The following GADL1 variants were observed in gnomAD, a reference collection of about 807,000 sequenced individuals.
GADL1 encodes the protein acidic amino acid decarboxylase GADL1.
Under a neutral mutation model 69.5 loss-of-function variants are expected in GADL1, and 71 were observed. That is an observed-to-expected ratio of 1.02 (90% CI 0.84 to 1.25). The LOEUF (loss-of-function observed/expected upper bound fraction) is 1.25, where lower values mean the gene tolerates loss of function less well. GADL1 is among the 50% of genes most tolerant of loss of function. The probability of loss-of-function intolerance (pLI) is 0.00; values close to 1 mark genes in which losing one functional copy is unlikely to be tolerated. For synonymous variants in GADL1, 254 were observed against 214.4 expected, an observed-to-expected ratio of 1.18 and a Z score of -1.62; for missense variants, 737 against 631.8, an observed-to-expected ratio of 1.17 and a Z score of -1.79.
intron 9 of GADL1, among the ~76,000 whole-genome samples, chr3:30,837,821 T>A (rs1380196925): frequency 6.6e-6 from 1 of 152,140 alleles, no homozygotes; most frequent in African/African-American, 2.4e-5. Flanking sequence ...ATCAATAAGA[T>A]ATAAGTTGAA....
At chr3:30,770,813 CAA>C (rs1696400840) in intron 14 of GADL1, among the ~76,000 whole-genome samples, 1 of 151,604 alleles carries the variant, frequency 6.6e-6, no homozygotes, top group Non-Finnish European at 1.5e-5. Flanking sequence ...CCAACAGAAA[CAA>C]GAGAAGAGAG....
rs1262503358 is a variant in GADL1 at position 30,728,435 on chromosome 3, G to A, written c.1393-20C>T. ...GGCCACCTGTGTGGGGAGAAAAGGG[G>A]AGAGGGGTGAAAGACCAGAACATCA... On this transcript the variant is annotated intron_variant, in intron 14 of 14. Coordinates refer to ENST00000282538, the MANE Select transcript of GADL1 (RefSeq NM_207359.3). The A allele has an allele frequency of 1.2e-6, 2 of 1,607,850 alleles. No homozygotes were observed. Among genetic ancestry groups the A allele is most frequent in the Non-Finnish European group, 1.7e-6 (2 of 1,175,232 alleles).
At chr3:30,764,163 T>C (rs1382997381) in intron 14 of GADL1, among the ~76,000 whole-genome samples, 2 of 116,962 alleles carry the variant, frequency 1.7e-5, no homozygotes, top group Admixed American at 8.5e-5. Context: ...AGTGATTTTA[T>C]ACTTAAAGTT....
intron 12 of GADL1, among the ~76,000 whole-genome samples, chr3:30,787,171 T>TG (rs1264994698): frequency 6.6e-6 from 1 of 151,914 alleles, no homozygotes; most frequent in Non-Finnish European, 1.5e-5. Flanking sequence ...ATCCTGCGCA[T>TG]GTACCCCAAA....
At chr3:30,886,839 C>G (rs1285715857) in intron 1 of GADL1, among the ~76,000 whole-genome samples, 3 of 152,198 alleles carry the variant, frequency 2.0e-5, no homozygotes, top group African/African-American at 7.2e-5. Context: ...AAACCACAGA[C>G]AATGGAGTTG....
At chr3:30,830,249 A>G (rs1697765302) in intron 11 of GADL1, among the ~76,000 whole-genome samples, 1 of 151,882 alleles carries the variant, frequency 6.6e-6, no homozygotes, top group Non-Finnish European at 1.5e-5. Context: ...CAGGCCCTGC[A>G]AAGTCCCCCC....
chr3:30,839,739 G>A (rs1697936494), intron 8 of GADL1, among the ~76,000 whole-genome samples: 1 of 152,092 alleles, frequency 6.6e-6, no homozygotes, highest in South Asian at 2.1e-4. Context: ...GAAAATCTGT[G>A]TCACTTCTAT....
chr3:30,827,344 C>CT (rs1697697944), intron 11 of GADL1, among the ~76,000 whole-genome samples: 1 of 151,120 alleles, frequency 6.6e-6, no homozygotes, highest in Non-Finnish European at 1.5e-5. Context: ...ACATTTATGA[C>CT]TAGGTGGTAA....
At chr3:30,836,639 G>C (rs1226371888) in intron 9 of GADL1, among the ~76,000 whole-genome samples, 1 of 152,042 alleles carries the variant, frequency 6.6e-6, no homozygotes, top group Non-Finnish European at 1.5e-5. Flanking sequence ...TCTTGAAAGG[G>C]AAGTGAAGGT....
At chr3:30,797,441 GGAC>G (rs1697060116) in intron 12 of GADL1, among the ~76,000 whole-genome samples, 1 of 152,146 alleles carries the variant, frequency 6.6e-6, no homozygotes, top group African/African-American at 2.4e-5. Flanking sequence ...ATAGCATGTA[GGAC>G]ATCCCAGGCA....
intron 14 of GADL1, among the ~76,000 whole-genome samples, chr3:30,733,753 A>T (rs537327392): frequency 5.0e-4 from 76 of 152,060 alleles, no homozygotes; most frequent in African/African-American, 1.8e-3. Context: ...AGCCAGGTGG[A>T]GATACACCAC....
At chr3:30,827,151 TAC>T (rs1326661087) in intron 11 of GADL1, among the ~76,000 whole-genome samples, 2 of 151,840 alleles carry the variant, frequency 1.3e-5, no homozygotes, top group Non-Finnish European at 2.9e-5. Flanking sequence ...TGGAAATAGA[TAC>T]AGATTTAGTC....
At position 30,801,103 on chromosome 3, in the gene GADL1, A is replaced by AG; in HGVS notation, c.1051-16dup. 1.3e-6 allele frequency: 2 copies of AG among 1,559,322 alleles called. No homozygotes were observed. The highest frequency in any genetic ancestry group is 1.8e-5 in the Admixed American group (1 of 56,398). On this transcript the variant is annotated splice_polypyrimidine_tract_variant and intron_variant, in intron 11 of 14. Coordinates refer to ENST00000282538, the MANE Select transcript of GADL1 (RefSeq NM_207359.3). ...TTAAGAAGATCCTTCGAAAAAGAAA[A>AG]GATTACAAGACTGTTAAACTTTAGA... is the stretch of plus-strand genomic sequence containing the variant.
At chr3:30,792,497 A>AG (rs1414917623) in intron 12 of GADL1, among the ~76,000 whole-genome samples, 2 of 152,118 alleles carry the variant, frequency 1.3e-5, no homozygotes, top group Admixed American at 1.3e-4. Flanking sequence ...GGATCACTTG[A>AG]GCCTGGGAGG....
chr3:30,860,446 CA>C (rs1272454122), intron 2 of GADL1, among the ~76,000 whole-genome samples: 1 of 151,830 alleles, frequency 6.6e-6, no homozygotes, highest in African/African-American at 2.4e-5. Context: ...CAATGTAAAG[CA>C]GATCCAAAGT....
intron 1 of GADL1, among the ~76,000 whole-genome samples, chr3:30,891,243 CT>C (rs1698782035): frequency 6.6e-6 from 1 of 152,116 alleles, no homozygotes; most frequent in Non-Finnish European, 1.5e-5. Flanking sequence ...AGCCAAGCTG[CT>C]TTGATCCTTA....
At chr3:30,776,330 G>T (rs542771294) in intron 14 of GADL1, among the ~76,000 whole-genome samples, 2 of 152,152 alleles carry the variant, frequency 1.3e-5, no homozygotes, top group Non-Finnish European at 2.9e-5. Context: ...ACTAAAAAAT[G>T]TCAGCCACAT....
rs150890734 is a variant in GADL1, at chr3:30,749,429, A to G, written c.1393-21014T>C. On this transcript the variant is annotated intron_variant, in intron 14 of 14. Transcript: ENST00000282538. ...CTCACTTTCTCTTTTCAACTCTTCT[A>G]TTGTTTGAACAATGACTAATTAGCT... 5.9e-4 allele frequency among the ~76,000 whole-genome samples: 90 copies of G among 152,314 alleles called. 1 individual carries two copies. Among genetic ancestry groups the G allele is most frequent in the South Asian group, 2.5e-3 (12 of 4,826 alleles).
chr3:30,819,465 C>T (rs1304653), intron 11 of GADL1, among the ~76,000 whole-genome samples: 53,638 of 151,910 alleles, frequency 0.35, 13,187 homozygotes, highest in African/African-American at 0.66. Context: ...AAATCACTTT[C>T]ATAAATCAGC....
Sources: allele counts gnomAD v4.1 joint callset (sites outside exome capture counted in the v4.1 genomes callset), GRCh38; gene constraint gnomAD v4.1.1; transcripts MANE v1.5; gene names NCBI Gene and HGNC (gene_info 2026-07-23, HGNC 2026-07-21).